The following NOS1AP variants were observed in gnomAD, a reference collection of about 807,000 sequenced individuals.
NOS1AP encodes the protein carboxyl-terminal PDZ ligand of neuronal nitric oxide synthase protein.
NOS1AP carries 21 observed loss-of-function variants against 56.2 expected under a neutral mutation model. The observed-to-expected ratio is 0.37, with a 90% CI of 0.26 to 0.54. The LOEUF (loss-of-function observed/expected upper bound fraction) is 0.54. Ranked by LOEUF, NOS1AP falls within the 20% of genes least tolerant of loss-of-function variation. The pLI, the probability that NOS1AP is intolerant of heterozygous loss-of-function variation, is 0.84. For synonymous variants in NOS1AP, 270 were observed against 274.6 expected (o/e 0.98, Z 0.17); for missense variants, 522 against 657.8 (o/e 0.79, Z 2.26).
intron 1 of NOS1AP, among the ~76,000 whole-genome samples, chr1:162,115,739 G>A (rs532582383): frequency 6.6e-6 from 1 of 152,276 alleles, no homozygotes; most frequent in South Asian, 2.1e-4. Flanking sequence ...TAAAACATTG[G>A]TTTCATCTTG....
intron 2 of NOS1AP, among the ~76,000 whole-genome samples, chr1:162,229,047 C>G (rs1343538965): frequency 6.6e-6 from 1 of 152,166 alleles, no homozygotes; most frequent in African/African-American, 2.4e-5. Flanking sequence ...TAAAATTTTC[C>G]TGGGAGCAGG....
intron 6 of NOS1AP, among the ~76,000 whole-genome samples, chr1:162,353,330 G>A (rs985604954): frequency 1.3e-5 from 2 of 152,126 alleles, no homozygotes; most frequent in Non-Finnish European, 1.5e-5. Context: ...CTGACATGCC[G>A]TGGACTTCCT....
chr1:162,084,090 A>T (rs1275024522), intron 1 of NOS1AP, among the ~76,000 whole-genome samples: 1 of 152,220 alleles, frequency 6.6e-6, no homozygotes, highest in Admixed American at 6.5e-5. Context: ...AAGCATATTC[A>T]TAATTGCTTG....
At position 162,321,722 on chromosome 1, in the gene NOS1AP, A is replaced by T. The variant is rs1411527130; in HGVS notation, c.345-11295A>T. On this transcript the variant is annotated intron_variant, in intron 4 of 9. Coordinates refer to ENST00000361897, the MANE Select transcript of NOS1AP (RefSeq NM_014697.3). ...ACCCTAGAACTTAAAGTATAATTAA[A>T]AAAAAAAAAATATATATATATATAT... Among the ~76,000 whole-genome samples, 7 of 61,112 alleles carry T rather than the reference A, an allele frequency of 1.1e-4. 1 individual carries two copies. The highest frequency in any genetic ancestry group is 1.3e-3 in the South Asian group (2 of 1,542). 40.1% of individuals were successfully genotyped at this position (61,112 alleles called of 152,430 possible).
intron 4 of NOS1AP, among the ~76,000 whole-genome samples, chr1:162,318,359 C>T (rs1656297934): frequency 6.6e-6 from 1 of 152,210 alleles, no homozygotes; most frequent in African/African-American, 2.4e-5. Flanking sequence ...TCCTGAGCTA[C>T]TCTACTGAGA....
intron 1 of NOS1AP, among the ~76,000 whole-genome samples, chr1:162,084,881 T>C (rs886351444): frequency 1.3e-5 from 2 of 152,070 alleles, no homozygotes; most frequent in African/African-American, 4.8e-5. Context: ...CTCAGGCTGG[T>C]CTGGAACTCC....
At chr1:162,306,116 A>T (rs1358630888) in intron 4 of NOS1AP, among the ~76,000 whole-genome samples, 3 of 152,170 alleles carry the variant, frequency 2.0e-5, no homozygotes. Context: ...CTCAGAGAAC[A>T]ATTATTAACC....
rs1477457848 is a variant in NOS1AP, at chr1:162,188,823, G to A, written c.177+34347G>A. ...AATCCCAGCACTTTCGGAGGCCGAG[G>A]CGGGCGGATCACGAGATCAGGAGTT... On this transcript the variant is annotated intron_variant, in intron 2 of 9. Transcript: ENST00000361897. The surrounding 1 kb of genome is among the most constrained non-coding windows in gnomAD (Gnocchi z 4.0). Among the ~76,000 whole-genome samples the A allele has an allele frequency of 6.6e-6, 1 of 152,220 alleles. No homozygotes were observed. Among genetic ancestry groups the A allele is most frequent in the Non-Finnish European group, 1.5e-5 (1 of 68,040 alleles).
chr1:162,264,949 G>T (rs918175548), intron 2 of NOS1AP, among the ~76,000 whole-genome samples: 10 of 151,982 alleles, frequency 6.6e-5, no homozygotes, highest in African/African-American at 2.4e-4. Flanking sequence ...GAGTAGCTGG[G>T]ATTACAGGCA....
chr1:162,208,534 G>A (rs895850581), intron 2 of NOS1AP, among the ~76,000 whole-genome samples: 13 of 152,178 alleles, frequency 8.5e-5, no homozygotes, highest in African/African-American at 2.7e-4. Context: ...TTTTGGACCA[G>A]ATAATTGTTT....
chr1:162,283,423 G>A (rs1483462011), intron 2 of NOS1AP, among the ~76,000 whole-genome samples: 1 of 152,138 alleles, frequency 6.6e-6, no homozygotes, highest in African/African-American at 2.4e-5. Context: ...TGGATACTCA[G>A]TGACCAGGAC....
At chr1:162,173,862 C>A (rs943892895) in intron 2 of NOS1AP, among the ~76,000 whole-genome samples, 1 of 152,150 alleles carries the variant, frequency 6.6e-6, no homozygotes, top group Non-Finnish European at 1.5e-5. Context: ...CAATGAGATA[C>A]CATCTCACAC....
intron 2 of NOS1AP, among the ~76,000 whole-genome samples, chr1:162,281,312 GGC>G (rs1654917123): frequency 1.3e-5 from 2 of 152,064 alleles, no homozygotes; most frequent in Non-Finnish European, 2.9e-5. Context: ...CCTTTTCTTG[GGC>G]TCTGTGAATA....
At chr1:162,278,774 A>G (rs1654827181) in intron 2 of NOS1AP, among the ~76,000 whole-genome samples, 1 of 151,510 alleles carries the variant, frequency 6.6e-6, no homozygotes, top group South Asian at 2.1e-4. Flanking sequence ...AAGACTATTT[A>G]TTGCTGCATA....
chr1:162,362,593 T>C (rs1421966384), intron 8 of NOS1AP, among the ~76,000 whole-genome samples: 1 of 152,234 alleles, frequency 6.6e-6, no homozygotes, highest in Non-Finnish European at 1.5e-5. Flanking sequence ...GCTGAAAGAC[T>C]TTGTTCCACA....
At chr1:162,253,493 G>GA (rs1653933672) in intron 2 of NOS1AP, among the ~76,000 whole-genome samples, 1 of 152,178 alleles carries the variant, frequency 6.6e-6, no homozygotes, top group African/African-American at 2.4e-5. Flanking sequence ...TTGTCAGAGA[G>GA]AAAACATTAG....
Position 162,369,608 on chromosome 1 carries a change from A to C in NOS1AP, c.*2141A>C, listed in dbSNP as rs2101835849. ...TCTAAATGGCCTGTAAAAACTTGAGATTGGATAGACGAAAGGAAATGGAGA... is the reference window on the plus strand; with the variant it reads ...TCTAAATGGCCTGTAAAAACTTGAGCTTGGATAGACGAAAGGAAATGGAGA... On this transcript the variant is annotated 3_prime_UTR_variant, in exon 10 of 10. Transcript: ENST00000361897. 1 of 152,460 alleles carries C rather than the reference A, an allele frequency of 6.6e-6. No individual in the cohort carries two copies. The highest frequency in any genetic ancestry group is 1.9e-4 in the East Asian group (1 of 5,194). 9.4% of individuals were successfully genotyped at this position (152,460 alleles called of 1,614,324 possible). A position where few individuals can be genotyped will look rare whatever the true frequency, so the allele number is the denominator to read the frequency against.
chr1:162,291,216 G>A (rs1655273324), intron 3 of NOS1AP, among the ~76,000 whole-genome samples: 1 of 152,174 alleles, frequency 6.6e-6, no homozygotes, highest in South Asian at 2.1e-4. Flanking sequence ...GCTGAGAACT[G>A]TGTTTACAGT....
chr1:162,117,172 G>A (rs1361057691), intron 1 of NOS1AP, among the ~76,000 whole-genome samples: 1 of 152,134 alleles, frequency 6.6e-6, no homozygotes, highest in African/African-American at 2.4e-5. Flanking sequence ...TCAGTTTCCT[G>A]GGGACAGGAG....
Sources: gnomAD v4.1 joint callset for allele counts (sites outside exome capture counted in the v4.1 genomes callset) on GRCh38, gnomAD v4.1.1 for gene constraint, Gnocchi (gnomAD v3.1) non-coding constraint, MANE v1.5 for transcripts, NCBI Gene and HGNC (gene_info 2026-07-23, HGNC 2026-07-21) for gene names.